GTF2F1: variants seen among roughly 807,000 people sequenced by gnomAD.
GTF2F1 encodes the protein general transcription factor IIF subunit 1, also known as general transcription factor IIF 74 kDa subunit.
GTF2F1 carries 39 observed loss-of-function variants against 63.5 expected under a neutral mutation model. That is an observed-to-expected ratio of 0.61 (90% CI 0.48 to 0.80). The LOEUF is 0.80. GTF2F1 is among the 30% of genes least tolerant of loss of function. The pLI is 0.00. For missense variants in GTF2F1, 657 were observed against 718.3 expected (o/e 0.91, Z 0.97); for synonymous variants, 287 against 285.3 (o/e 1.01, Z -0.06).
chr19:6,380,696 G>C lies in GTF2F1; in HGVS notation c.1232-6C>G. 6.2e-7 allele frequency: 1 copy of C among 1,609,704 alleles called. No homozygotes were observed. Among genetic ancestry groups the C allele is most frequent in the African/African-American group, 1.3e-5 (1 of 75,024 alleles). Reference sequence around the variant, plus strand: ...CATCTCGCTCACCCGCTTCCCTGTGGGAGTGGGGTCAGGGCTGAGTCTTGC... The same window carrying C: ...CATCTCGCTCACCCGCTTCCCTGTGCGAGTGGGGTCAGGGCTGAGTCTTGC... On this transcript the variant is annotated splice_polypyrimidine_tract_variant and splice_region_variant and intron_variant, in intron 11 of 12. Coordinates refer to ENST00000394456, the MANE Select transcript of GTF2F1 (RefSeq NM_002096.3). The surrounding 1 kb of genome is among the most constrained non-coding windows in gnomAD (Gnocchi z 5.3).
rs10602439 is a variant in GTF2F1, at chr19:6,385,395, C to CAA, written c.498-1902_498-1901dup. Reference sequence around the variant, plus strand: ...AGCCTGGGTGACAGTGAGACTGTCTCAAAAAAAAAAAAAAAAAAAAAAAAA... The same window carrying CAA: ...AGCCTGGGTGACAGTGAGACTGTCTCAAAAAAAAAAAAAAAAAAAAAAAAAAA... On this transcript the variant is annotated intron_variant, in intron 5 of 12. Coordinates refer to ENST00000394456, the MANE Select transcript of GTF2F1 (RefSeq NM_002096.3). 2.2e-3 allele frequency among the ~76,000 whole-genome samples: 85 copies of CAA among 37,950 alleles called. 3 individuals carry two copies. Among genetic ancestry groups the CAA allele is most frequent in the East Asian group, 4.1e-3 (6 of 1,478 alleles). 24.9% of individuals were successfully genotyped at this position (37,950 alleles called of 152,430 possible).
rs2091964885 is a variant in GTF2F1, at chr19:6,383,928, C to CG, written c.498-434_498-433insC. Among the ~76,000 whole-genome samples, 1 of 150,906 alleles carries CG rather than the reference C, an allele frequency of 6.6e-6. No homozygotes were observed. Among genetic ancestry groups the CG allele is most frequent in the African/African-American group, 2.5e-5 (1 of 40,486 alleles). On this transcript the variant is annotated intron_variant, in intron 5 of 12. Coordinates refer to ENST00000394456, the MANE Select transcript of GTF2F1 (RefSeq NM_002096.3). The surrounding 1 kb of genome is among the most constrained non-coding windows in gnomAD (Gnocchi z 4.5). ...TCTCCTGACTCAGCCTCCCAGATAG[C>CG]CGGGGTTCCAGGCGCCTGCCACCAC...
chr19:6,381,953 CCTCA>C lies in GTF2F1; in HGVS notation c.683-107_683-104del. Reference sequence around the variant, plus strand: ...TGTGCAGTTTTGACATCCTGGGGGGCCTCACTGACTGGGGAGACTACACCTCCAG... The same window carrying C: ...TGTGCAGTTTTGACATCCTGGGGGGCCTGACTGGGGAGACTACACCTCCAG... On this transcript the variant is annotated intron_variant, in intron 6 of 12. Transcript: ENST00000394456. The surrounding 1 kb of genome is among the most constrained non-coding windows in gnomAD (Gnocchi z 4.1). 1.0e-6 allele frequency: 1 copy of C among 963,356 alleles called. No homozygotes were observed. Among genetic ancestry groups the C allele is most frequent in the Non-Finnish European group, 1.5e-6 (1 of 645,958 alleles). The allele number at this position is 963,356 out of a possible 1,614,324, so 59.7% of individuals were successfully genotyped here.
chr19:6,381,487 G>A lies in GTF2F1; in HGVS notation c.899-9C>T, dbSNP rs8111068. The A allele has an allele frequency of 2.2e-3, 3,576 of 1,607,846 alleles. 79 individuals carry two copies. The African/African-American group carries it at 0.044, about 20-fold the overall frequency. On this transcript the variant is annotated splice_polypyrimidine_tract_variant and intron_variant, in intron 8 of 12. Transcript: ENST00000394456. The surrounding 1 kb of genome is among the most constrained non-coding windows in gnomAD (Gnocchi z 4.1). ...GCTCTGCTCATCGACACCTGGGAGG[G>A]GCAGGGTATGAGCAAGAGCAGGGAA...
At chr19:6,384,314 C>T (rs1468160450) in intron 5 of GTF2F1, among the ~76,000 whole-genome samples, 3 of 150,538 alleles carry the variant, frequency 2.0e-5, no homozygotes, top group Admixed American at 1.3e-4. Context: ...TTGAGAACAG[C>T]CTGAACAACA....
chr19:6,381,263 C>G lies in GTF2F1; in HGVS notation c.1019-68G>C. The stretch of plus-strand genomic sequence containing the variant: ...GACCCGGTGCCCACTGGTGCCTCCA[C>G]TGCAGATGAGGGAGGCCTGCAGGGG... On this transcript the variant is annotated intron_variant, in intron 9 of 12. Transcript: ENST00000394456. The surrounding 1 kb of genome is among the most constrained non-coding windows in gnomAD (Gnocchi z 4.1). 1 of 1,558,998 alleles carries G rather than the reference C, an allele frequency of 6.4e-7. No homozygotes were observed.
chr19:6,383,630 C>G lies in GTF2F1; in HGVS notation c.498-135G>C. ...GCCCCCGGGGACTTGGGCTGTGGCA[C>G]AGGACTCCCTGAAACCACACGGATA... On this transcript the variant is annotated intron_variant, in intron 5 of 12. Transcript: ENST00000394456. This position sits in a 1 kb window ranked among gnomAD's most constrained non-coding sequence, Gnocchi z 4.5. The G allele has an allele frequency of 1.2e-6, 1 of 868,456 alleles. No individual in the cohort carries two copies. Among genetic ancestry groups the G allele is most frequent in the East Asian group, 2.6e-5 (1 of 37,792 alleles). 53.8% of individuals were successfully genotyped at this position (868,456 alleles called of 1,614,324 possible).
intron 5 of GTF2F1, among the ~76,000 whole-genome samples, chr19:6,384,689 G>C (rs902931855): frequency 6.6e-6 from 1 of 151,788 alleles, no homozygotes; most frequent in Non-Finnish European, 1.5e-5. Context: ...CAGCACTTTG[G>C]GAGGGGAGGC....
intron 4 of GTF2F1, among the ~76,000 whole-genome samples, chr19:6,388,819 G>A (rs556254059): frequency 2.3e-4 from 35 of 152,264 alleles, no homozygotes; most frequent in South Asian, 4.1e-4. Context: ...ATGGTGGGGC[G>A]TGCCTATAGT....
At chr19:6,392,471 G>A (rs900034021) in intron 2 of GTF2F1, 4 of 520,178 alleles carry the variant, frequency 7.7e-6, no homozygotes, top group Non-Finnish European at 1.5e-5. Flanking sequence ...ACCCAGCAGA[G>A]TCACAGTTTA....
In GTF2F1 at chr19:6,381,837, G is replaced by C; in HGVS notation, c.696C>G (p.Pro232=). ...DASGEEGGRV[P]KAKKKAPLAK... ...CCAGCGGCGCCTTCTTCTTGGCCTT[G>C]GGGACTCTGCCCCCTGGGAAGGGAG... The change falls in exon 7 of 13, where the codon CCC becomes CCG. Residue 232 remains proline, a synonymous_variant. Coordinates refer to ENST00000394456, the MANE Select transcript of GTF2F1 (RefSeq NM_002096.3). This position sits in a 1 kb window ranked among gnomAD's most constrained non-coding sequence, Gnocchi z 4.1. 6 of 1,612,574 alleles carry C rather than the reference G, an allele frequency of 3.7e-6. No individual in the cohort carries two copies. Among genetic ancestry groups the C allele is most frequent in the Non-Finnish European group, 5.1e-6 (6 of 1,179,754 alleles).
In GTF2F1 at chr19:6,383,054, A is replaced by C. The variant is rs1055975737; in HGVS notation, c.682+257T>G. ...GTAGCTGGCACTAGAGGCATGCACC[A>C]CCATGCCCAGCTAATTTTTGTGTTT... is the stretch of plus-strand genomic sequence containing the variant. On this transcript the variant is annotated intron_variant, in intron 6 of 12. Transcript: ENST00000394456. The surrounding 1 kb of genome is among the most constrained non-coding windows in gnomAD (Gnocchi z 4.5). 2.6e-5 allele frequency among the ~76,000 whole-genome samples: 4 copies of C among 152,080 alleles called. No homozygotes were observed. Among genetic ancestry groups the C allele is most frequent in the African/African-American group, 2.4e-5 (1 of 41,404 alleles).
At chr19:6,392,946 C>T in intron 1 of GTF2F1, 38 bp downstream of exon 1, 2 of 1,614,082 alleles carry the variant, frequency 1.2e-6, no homozygotes, top group Non-Finnish European at 1.7e-6. Context: ...GCCGAGGTCG[C>T]CGTCGGAACC....
At chr19:6,391,373 T>TG (rs1407792031) in intron 3 of GTF2F1, among the ~76,000 whole-genome samples, 2 of 149,130 alleles carry the variant, frequency 1.3e-5, no homozygotes, top group Non-Finnish European at 3.0e-5. Flanking sequence ...GAGAGGCCTC[T>TG]GGTGGGCCTA....
At chr19:6,388,723 G>A (rs889701637) in intron 4 of GTF2F1, among the ~76,000 whole-genome samples, 2 of 152,192 alleles carry the variant, frequency 1.3e-5, no homozygotes, top group Admixed American at 6.5e-5. Flanking sequence ...CAAGGTAGGA[G>A]GATCACTTGA....
intron 2 of GTF2F1, 140 bp from the exon 3 acceptor site, chr19:6,392,114 ATCAC>A (rs2145085282): frequency 1.5e-6 from 1 of 678,674 alleles, no homozygotes; most frequent in East Asian, 2.8e-5. Flanking sequence ...CTTTAATTCA[ATCAC>A]TCAATTCAAT....
chr19:6,384,105 C>T (rs1428956633), intron 5 of GTF2F1, among the ~76,000 whole-genome samples: 1 of 151,444 alleles, frequency 6.6e-6, no homozygotes, highest in African/African-American at 2.4e-5. Flanking sequence ...CCAGCCAGAT[C>T]TTTTGTTATC....
chr19:6,380,215 T>C lies in GTF2F1; in HGVS notation c.*66A>G, dbSNP rs2145070294. ...CCATGTATTGGACAGAGCCTCACTC[T>C]AGGATGGCGAAGGGGCAGTGAGAGC... On this transcript the variant is annotated 3_prime_UTR_variant, in exon 13 of 13. Coordinates refer to ENST00000394456, the MANE Select transcript of GTF2F1 (RefSeq NM_002096.3). This position sits in a 1 kb window ranked among gnomAD's most constrained non-coding sequence, Gnocchi z 5.3. 1 of 1,324,996 alleles carries C rather than the reference T, an allele frequency of 7.5e-7. No individual in the cohort carries two copies. Among genetic ancestry groups the C allele is most frequent in the African/African-American group, 1.4e-5 (1 of 69,468 alleles). 82.1% of individuals were successfully genotyped at this position (1,324,996 alleles called of 1,614,324 possible).
At chr19:6,387,628 C>CCT (rs2091978934) in intron 4 of GTF2F1, 69 bp from the exon 5 acceptor site, 1 of 1,200,754 alleles carries the variant, frequency 8.3e-7, no homozygotes, top group Non-Finnish European at 1.2e-6. Context: ...CCCCCCGGGG[C>CCT]CTGCCTCCTT....
Sources: gnomAD v4.1 joint callset for allele counts (sites outside exome capture counted in the v4.1 genomes callset) on GRCh38, gnomAD v4.1.1 for gene constraint, Gnocchi (gnomAD v3.1) non-coding constraint, MANE v1.5 for transcripts, NCBI Gene and HGNC (gene_info 2026-07-23, HGNC 2026-07-21) for gene names.